The following CAPN8 variants were observed in gnomAD, a reference collection of about 807,000 sequenced individuals.
The protein encoded by CAPN8 is calpain 8, also known as calpain-8.
A neutral mutation model predicts 80.9 loss-of-function variants in CAPN8; 87 were observed. That is an observed-to-expected ratio of 1.07 (90% CI 0.90 to 1.28). CAPN8 has a LOEUF of 1.28. Ranked by LOEUF, CAPN8 falls within the 50% of genes most tolerant of loss-of-function variation. The pLI is 0.00. For missense variants in CAPN8, 757 were observed against 702.0 expected (o/e 1.08, Z -0.89); for synonymous variants, 299 against 273.8 (o/e 1.09, Z -0.91).
Position 223,646,508 on chromosome 1 carries a change from C to CT in CAPN8, c.307+7821dup, listed in dbSNP as rs562777445. Among the ~76,000 whole-genome samples the CT allele has an allele frequency of 3.5e-3, 529 of 152,350 alleles. 3 individuals are homozygous for CT. Among genetic ancestry groups the CT allele is most frequent in the African/African-American group, 0.011 (443 of 41,584 alleles). ...TGCTTCTGCGCCAGCCTGCCTCCAC[C>CT]TTTTTCTCTTCAACCACATCCCCAA... On this transcript the variant is annotated intron_variant, in intron 2 of 20. Transcript: ENST00000366872.
rs1254819688 is a variant in CAPN8, at chr1:223,619,415, A to C, written c.1013T>G (p.Leu338Trp). Reference protein sequence around the residue: ...LSDFVRQFSRLEICNLSPDSL... With the variant: ...LSDFVRQFSRWEICNLSPDSL... ...GTCCGGGGACAGGTTGCAGATCTCC[A>C]ACCGAGAGAACTGCCTCACGAAATC... The change falls in exon 9 of 21, where the codon TTG becomes TGG. Residue 338 changes from leucine to tryptophan, a missense_variant. Leu to Trp is a moderately conservative substitution (Grantham distance 61). Coordinates refer to ENST00000366872, the MANE Select transcript of CAPN8 (RefSeq NM_001143962.2). The C allele has an allele frequency of 1.8e-5, 28 of 1,551,510 alleles. No individual in the cohort carries two copies. The highest frequency in any genetic ancestry group is 2.4e-5 in the Non-Finnish European group (28 of 1,146,994).
intron 2 of CAPN8, among the ~76,000 whole-genome samples, chr1:223,630,299 GCT>G (rs34412505): frequency 0.44 from 64,568 of 146,922 alleles, 14,071 homozygotes; most frequent in Non-Finnish European, 0.48. Flanking sequence ...CCGCTCACTC[GCT>G]CTCTCTCTCT....
chr1:223,654,798 A>T (rs988859947), intron 1 of CAPN8, among the ~76,000 whole-genome samples: 3 of 150,254 alleles, frequency 2.0e-5, no homozygotes, highest in African/African-American at 7.3e-5. Context: ...GCCTCAGCCT[A>T]CCACATAGCT....
chr1:223,635,512 T>C (rs1314132326), intron 2 of CAPN8, among the ~76,000 whole-genome samples: 1 of 152,270 alleles, frequency 6.6e-6, no homozygotes, highest in Non-Finnish European at 1.5e-5. Flanking sequence ...AGGCAGACAG[T>C]GGGCCTGGTG....
Position 223,609,189 on chromosome 1 carries a change from C to G in CAPN8, c.1499G>C (p.Cys500Ser). The change falls in exon 12 of 21, where the codon TGC becomes TCC. Residue 500 changes from cysteine to serine, a missense_variant. Cys to Ser is a moderately radical substitution (Grantham distance 112). Transcript: ENST00000366872. Reference protein sequence around the residue: ...TFEPFKDGEFCLRVFSEKKAQ... With the variant: ...TFEPFKDGEFSLRVFSEKKAQ... The stretch of plus-strand genomic sequence containing the variant: ...CTTCTTCTCTGAGAACACTCTCAAG[C>G]AGAACTCGCCGTCTTTGAAGGGTTC... 1 of 398,344 alleles carries G rather than the reference C, an allele frequency of 2.5e-6. No homozygotes were observed. The highest frequency in any genetic ancestry group is 4.4e-6 in the Non-Finnish European group (1 of 226,058). The allele number at this position is 398,344 out of a possible 1,614,324, so 24.7% of individuals were successfully genotyped here.
At chr1:223,547,205 C>A (rs79048598) in intron 16 of CAPN8, among the ~76,000 whole-genome samples, 4,498 of 152,196 alleles carry the variant, frequency 0.03, 164 homozygotes, top group African/African-American at 0.089. Context: ...AGCCCCTGCG[C>A]CCCGTCAATT....
At chr1:223,609,078 T>C in intron 12 of CAPN8, 75 bp downstream of exon 12, 1 of 397,524 alleles carries the variant, frequency 2.5e-6, no homozygotes, top group East Asian at 3.6e-5. Context: ...GGGTGGGTCC[T>C]GCACCTGCAT....
chr1:223,665,488 T>C lies in CAPN8; in HGVS notation c.159A>G (p.Ala53=). The part of the protein sequence containing the change: ...GVLFKDPEFP[A]CPSALGYKDL... ...CCTTGTAGCCCAAAGCTGATGGACATGCTGGGAACTCAGGGTCCTTAAATA... is the reference window on the plus strand; with the variant it reads ...CCTTGTAGCCCAAAGCTGATGGACACGCTGGGAACTCAGGGTCCTTAAATA... Residue 53 remains alanine, a synonymous_variant, in exon 1 of 21, where the codon GCA becomes GCG. Transcript: ENST00000366872. The C allele has an allele frequency of 6.4e-7, 1 of 1,551,910 alleles. No individual in the cohort carries two copies. The highest frequency in any genetic ancestry group is 8.7e-7 in the Non-Finnish European group (1 of 1,147,044).
intron 2 of CAPN8, among the ~76,000 whole-genome samples, chr1:223,640,415 A>G (rs1356485326): frequency 2.0e-5 from 3 of 152,146 alleles, no homozygotes; most frequent in African/African-American, 7.2e-5. Context: ...AAATGATACC[A>G]GGAAGTTGCT....
At chr1:223,545,008 C>T (rs958826411) in intron 17 of CAPN8, 158 bp from the exon 18 acceptor site, 26 of 1,443,678 alleles carry the variant, frequency 1.8e-5, no homozygotes, top group Non-Finnish European at 2.1e-5. Flanking sequence ...AGCATAAGAG[C>T]TTGGCCAGTG....
intron 10 of CAPN8, among the ~76,000 whole-genome samples, chr1:223,615,107 TC>T (rs1657132466): frequency 6.6e-6 from 1 of 152,368 alleles, no homozygotes; most frequent in African/African-American, 2.4e-5. Context: ...TTGCACTATT[TC>T]CTTACTGGTT....
At position 223,550,985 on chromosome 1, in the gene CAPN8, T is replaced by C. The variant is rs1447750669; in HGVS notation, c.1674A>G (p.Ile558Met). 4.2e-6 allele frequency: 3 copies of C among 718,388 alleles called. No individual in the cohort carries two copies. The allele number at this position is 718,388 out of a possible 1,614,324, so 44.5% of individuals were successfully genotyped here. Reference sequence around the variant, plus strand: ...TCTTGGAAAACGCCTCATTCAAAAGTATCTTGAGTGCATTGGCAGTAATCT... The same window carrying C: ...TCTTGGAAAACGCCTCATTCAAAAGCATCTTGAGTGCATTGGCAGTAATCT... ...DSEITANALK[I>M]LLNEAFSKRT... Residue 558 changes from isoleucine (I) to methionine (M), a missense_variant, in exon 15 of 21, where the codon ATA becomes ATG. Physicochemically the swap from Ile to Met is conservative, Grantham distance 10. Transcript: ENST00000366872.
chr1:223,640,673 C>A (rs559762608), intron 2 of CAPN8, among the ~76,000 whole-genome samples: 2 of 152,236 alleles, frequency 1.3e-5, no homozygotes, highest in East Asian at 3.9e-4. Context: ...ACATTGCTGC[C>A]ATCGCCTCCA....
At chr1:223,555,552 A>T (rs1213504734) in intron 13 of CAPN8, among the ~76,000 whole-genome samples, 1 of 152,238 alleles carries the variant, frequency 6.6e-6, no homozygotes, top group Non-Finnish European at 1.5e-5. Context: ...TATAGGGAAA[A>T]CAACATTATA....
intron 12 of CAPN8, 148 bp from the exon 13 acceptor site, chr1:223,558,315 T>C (rs1269420871): frequency 5.1e-6 from 2 of 393,596 alleles, no homozygotes; most frequent in East Asian, 3.6e-5. Flanking sequence ...ATAAACAGAA[T>C]CTTTAGCCAA....
At chr1:223,664,189 T>C (rs1658726715) in intron 1 of CAPN8, among the ~76,000 whole-genome samples, 1 of 152,154 alleles carries the variant, frequency 6.6e-6, no homozygotes, top group Admixed American at 6.5e-5. Flanking sequence ...TTGGGTAGTA[T>C]CAGTAACCGC....
chr1:223,609,104 C>T (rs1408332600), intron 12 of CAPN8, 49 bp downstream of exon 12: 20 of 397,912 alleles, frequency 5.0e-5, no homozygotes, highest in Non-Finnish European at 8.0e-5. Context: ...CATTTCCCTT[C>T]GTGGGCCCAC....
At chr1:223,642,343 G>C (rs1658065620) in intron 2 of CAPN8, among the ~76,000 whole-genome samples, 1 of 152,154 alleles carries the variant, frequency 6.6e-6, no homozygotes, top group African/African-American at 2.4e-5. Flanking sequence ...AATTTTTATA[G>C]CCTCAAAATA....
chr1:223,619,178 AG>A, intron 9 of CAPN8, 114 bp downstream of exon 9: 1 of 1,249,796 alleles, frequency 8.0e-7, no homozygotes. Context: ...TGGGGAACAG[AG>A]CAAGGCCCTG....
Sources: allele counts gnomAD v4.1 joint callset (sites outside exome capture counted in the v4.1 genomes callset), GRCh38; gene constraint gnomAD v4.1.1; transcripts MANE v1.5; gene names NCBI Gene and HGNC (gene_info 2026-07-23, HGNC 2026-07-21).